Variants in WDFY3 observed in about 807,000 individuals in gnomAD.
WDFY3 encodes the protein WD repeat and FYVE domain-containing protein 3.
A neutral mutation model predicts 409.6 loss-of-function variants in WDFY3; 66 were observed. That is an observed-to-expected ratio of 0.16 (90% CI 0.13 to 0.20). The LOEUF is 0.20. Among genes scored for constraint, WDFY3 ranks in the 10% least tolerant of loss-of-function variants. The pLI is 1.00. For synonymous variants in WDFY3, 1,521 were observed against 1,537.1 expected, an observed-to-expected ratio of 0.99 and a Z score of 0.25; for missense variants, 3,031 against 4,298.1, an observed-to-expected ratio of 0.71 and a Z score of 8.24.
chr4:84,818,001 A>T (rs1753552045), intron 12 of WDFY3, among the ~76,000 whole-genome samples: 1 of 152,194 alleles, frequency 6.6e-6, no homozygotes, highest in Admixed American at 6.5e-5. Flanking sequence ...GGAATAAATT[A>T]TTCCACCATG....
chr4:84,741,886 T>C lies in WDFY3; in HGVS notation c.6109A>G (p.Ser2037Gly). Residue 2037 changes from serine to glycine, a missense_variant, in exon 38 of 68, where the codon AGC becomes GGC. Ser to Gly is a moderately conservative substitution (Grantham distance 56). This residue lies in a region of WDFY3 where 314 missense variants were observed against 397.4 expected (regional missense o/e 0.79). Transcript: ENST00000295888. ...ACATTGTTCACCAATACCTGGTAGCTTCCTCCACTGGTAATAGGCAGAGAT... is the reference window on the plus strand; with the variant it reads ...ACATTGTTCACCAATACCTGGTAGCCTCCTCCACTGGTAATAGGCAGAGAT... ...DASLPITSGG[S>G]YQVLVNNVFY... The C allele has an allele frequency of 1.9e-6, 3 of 1,608,912 alleles. No individual in the cohort carries two copies. The highest frequency in any genetic ancestry group is 2.2e-5 in the East Asian group (1 of 44,752).
chr4:84,710,157 G>C (rs1385045787), intron 51 of WDFY3, among the ~76,000 whole-genome samples: 1 of 152,082 alleles, frequency 6.6e-6, no homozygotes, highest in Admixed American at 6.6e-5. Context: ...TAGGACTTCA[G>C]GCATGAGCCA....
intron 66 of WDFY3, 21 bp from the exon 67 acceptor site, chr4:84,677,417 G>T (rs761073303): frequency 6.3e-7 from 1 of 1,575,862 alleles, no homozygotes; most frequent in Admixed American, 1.8e-5. Flanking sequence ...CACGACAGAG[G>T]AGGTCACTGC....
At chr4:84,862,355 T>C (rs1760762211) in intron 3 of WDFY3, among the ~76,000 whole-genome samples, 2 of 152,194 alleles carry the variant, frequency 1.3e-5, no homozygotes, top group Non-Finnish European at 2.9e-5. Context: ...TGCTAACACA[T>C]AGGCAAAGGG....
chr4:84,866,850 T>G (rs1169707687), intron 3 of WDFY3, among the ~76,000 whole-genome samples: 1 of 152,242 alleles, frequency 6.6e-6, no homozygotes, highest in Non-Finnish European at 1.5e-5. Context: ...CATCTCACAC[T>G]TCAGGCCTGC....
At chr4:84,860,083 A>C (rs1172203231) in intron 4 of WDFY3, among the ~76,000 whole-genome samples, 2 of 152,220 alleles carry the variant, frequency 1.3e-5, no homozygotes, top group Non-Finnish European at 1.5e-5. Context: ...TCATCACTTT[A>C]ACAGATAACA....
intron 25 of WDFY3, among the ~76,000 whole-genome samples, chr4:84,780,782 T>C (rs1746366448): frequency 6.6e-6 from 1 of 151,158 alleles, no homozygotes; most frequent in Admixed American, 6.6e-5. Context: ...AATAAATAAA[T>C]AAATAAATAA....
At chr4:84,889,818 C>T (rs60623327) in intron 3 of WDFY3, among the ~76,000 whole-genome samples, 2,505 of 152,036 alleles carry the variant, frequency 0.016, 76 homozygotes, top group African/African-American at 0.057. Flanking sequence ...TTAGTTATGA[C>T]ATGATTAGAA....
chr4:84,943,867 C>G (rs1772463241), intron 1 of WDFY3, among the ~76,000 whole-genome samples: 1 of 152,106 alleles, frequency 6.6e-6, no homozygotes. Flanking sequence ...GGGTCCCTAC[C>G]AGAGGCACAG....
chr4:84,784,891 T>C (rs10024510), intron 24 of WDFY3, among the ~76,000 whole-genome samples: 1,964 of 36,872 alleles, frequency 0.053, 54 homozygotes, highest in African/African-American at 0.083. Flanking sequence ...TATATATATA[T>C]ACACACACAC....
In WDFY3 at chr4:84,700,212, G is replaced by A. The variant is rs374129444; in HGVS notation, c.8596+2141C>T. On this transcript the variant is annotated intron_variant, in intron 56 of 67. Coordinates refer to ENST00000295888, the MANE Select transcript of WDFY3 (RefSeq NM_014991.6). ...TTATATACAAACAGTGTTTTGTCTT[G>A]TTTTGTTTTGGAGACAAGGTGTCAC... Among the ~76,000 whole-genome samples, 28 of 152,202 alleles carry A rather than the reference G, an allele frequency of 1.8e-4. No individual in the cohort carries two copies. In the East Asian group the frequency reaches 3.5e-3, roughly 19 times the overall value.
intron 35 of WDFY3, 127 bp downstream of exon 35, chr4:84,753,570 T>A (rs1228669654): frequency 1.8e-6 from 2 of 1,139,580 alleles, no homozygotes; most frequent in Non-Finnish European, 2.3e-6. Context: ...ATGTATAAAG[T>A]TATGAAACTG....
chr4:84,926,062 G>A (rs780846485), intron 2 of WDFY3, among the ~76,000 whole-genome samples: 51 of 149,088 alleles, frequency 3.4e-4, no homozygotes, highest in Non-Finnish European at 5.7e-4. Flanking sequence ...TGTCGCCCAG[G>A]CTGGAGTATA....
chr4:84,806,058 A>G lies in WDFY3; in HGVS notation c.2429+2276T>C, dbSNP rs190711286. 2.8e-3 allele frequency among the ~76,000 whole-genome samples: 431 copies of G among 152,272 alleles called. 2 individuals carry two copies. Among genetic ancestry groups the G allele is most frequent in the African/African-American group, 1.0e-2 (414 of 41,560 alleles). ...CCTCAAAACGTCCTTAGCATCTGAG[A>G]GTGTTCCACAAGCCATAAAAACACA... On this transcript the variant is annotated intron_variant, in intron 15 of 67. Transcript: ENST00000295888.
chr4:84,738,244 C>G (rs1737794929), intron 40 of WDFY3, among the ~76,000 whole-genome samples: 2 of 151,928 alleles, frequency 1.3e-5, no homozygotes, highest in Admixed American at 6.6e-5. Context: ...AGAAATCAAT[C>G]CATACAAAGA....
intron 61 of WDFY3, 55 bp downstream of exon 61, chr4:84,690,451 G>A (rs1186605281): frequency 6.2e-7 from 1 of 1,613,076 alleles, no homozygotes; most frequent in Non-Finnish European, 8.5e-7. Flanking sequence ...CCTACAGGGT[G>A]TAGGCACAGG....
chr4:84,859,859 G>A (rs1171511113), intron 4 of WDFY3, among the ~76,000 whole-genome samples: 2 of 152,148 alleles, frequency 1.3e-5, no homozygotes, highest in Admixed American at 6.5e-5. Flanking sequence ...ACAGGCGTGA[G>A]CCACCACGCC....
intron 1 of WDFY3, among the ~76,000 whole-genome samples, chr4:84,941,361 G>C (rs1772099493): frequency 6.6e-6 from 1 of 151,562 alleles, no homozygotes; most frequent in Non-Finnish European, 1.5e-5. Flanking sequence ...TAGATAAAGA[G>C]ATAGATAGAT....
chr4:84,763,200 A>C (rs1743008535), intron 32 of WDFY3, among the ~76,000 whole-genome samples: 1 of 152,214 alleles, frequency 6.6e-6, no homozygotes, highest in Admixed American at 6.5e-5. Flanking sequence ...TATGGCAGCC[A>C]TAACAAAGAA....
Sources: gnomAD v4.1 joint callset for allele counts (sites outside exome capture counted in the v4.1 genomes callset) on GRCh38, gnomAD v4.1.1 for gene constraint, gnomAD v4.1.1 regional missense constraint, MANE v1.5 for transcripts, NCBI Gene and HGNC (gene_info 2026-07-23, HGNC 2026-07-21) for gene names.